Variants in ABHD6 observed in about 807,000 individuals in gnomAD.
The protein encoded by ABHD6 is abhydrolase domain containing 6, acylglycerol lipase.
A neutral mutation model predicts 38.8 loss-of-function variants in ABHD6; 33 were observed. The ratio of observed to expected loss-of-function variants is 0.85; its 90% CI spans 0.64 to 1.14. ABHD6 has a LOEUF of 1.14. ABHD6 is among the 50% of genes most tolerant of loss of function. ABHD6 has a pLI of 0.00. For missense variants in ABHD6, 380 were observed against 422.6 expected, an observed-to-expected ratio of 0.90 and a Z score of 0.88; for synonymous variants, 147 against 161.6, an observed-to-expected ratio of 0.91 and a Z score of 0.69.
chr3:58,274,804 G>T lies in ABHD6; in HGVS notation c.670G>T (p.Val224Leu). 6.2e-7 allele frequency: 1 copy of T among 1,613,692 alleles called. No homozygotes were observed. The highest frequency in any genetic ancestry group is 8.5e-7 in the Non-Finnish European group (1 of 1,179,814). The part of the protein sequence containing the change: ...LQLCSYVRFK[V>L]PQQILQGLVD... ...GCTCTGCTCCTATGTCCGCTTCAAG[G>T]TGCCCCAGCAGGTAACGTGGTTGCA... Residue 224 changes from valine to leucine, a missense_variant, in exon 7 of 10, where the codon GTG (valine) becomes TTG (leucine). Coordinates refer to ENST00000478253, the MANE Select transcript of ABHD6 (RefSeq NM_001320126.2).
chr3:58,274,692 A>G lies in ABHD6; in HGVS notation c.558A>G (p.Gln186=), dbSNP rs1210157534. The G allele has an allele frequency of 6.8e-6, 11 of 1,614,124 alleles. No homozygotes were observed. The highest frequency in any genetic ancestry group is 1.1e-5 in the South Asian group (1 of 91,084). ...ACTCAACTGACAATCAATTTGTACA[A>G]CGGCTCAAAGAACTGCAGGGCTCTG... ...LQYSTDNQFV[Q]RLKELQGSAA... The change falls in exon 7 of 10, where the codon CAA becomes CAG. Residue 186 remains glutamine (Q), a synonymous_variant. Coordinates refer to ENST00000478253, the MANE Select transcript of ABHD6 (RefSeq NM_001320126.2).
Position 58,268,046 on chromosome 3 carries a change from GC to G in ABHD6, c.276+703del, listed in dbSNP as rs1200435973. 4.6e-5 allele frequency among the ~76,000 whole-genome samples: 7 copies of G among 152,326 alleles called. No homozygotes were observed. The East Asian group carries it at 1.3e-3, about 29-fold the overall frequency. On this transcript the variant is annotated intron_variant, in intron 4 of 9. Transcript: ENST00000478253. ...CAAGATCGTGCTATACCACACTCCA[GC>G]CTGAGCAACAGGAGTGAGACCCTGT...
At chr3:58,290,088 A>G (rs538323144) in intron 9 of ABHD6, among the ~76,000 whole-genome samples, 131 of 56,978 alleles carry the variant, frequency 2.3e-3, no homozygotes, top group Admixed American at 4.4e-3. Context: ...CCGGGCAGAG[A>G]GGCTCCTCAC....
At chr3:58,250,665 C>T (rs913076058) in intron 2 of ABHD6, among the ~76,000 whole-genome samples, 12 of 152,034 alleles carry the variant, frequency 7.9e-5, no homozygotes. Flanking sequence ...TTTCTTTTTA[C>T]CTTACATTCC....
In ABHD6 at chr3:58,269,453, C is replaced by T; in HGVS notation, c.390+19C>T. 1 of 1,581,886 alleles carries T rather than the reference C, an allele frequency of 6.3e-7. No individual in the cohort carries two copies. Among genetic ancestry groups the T allele is most frequent in the Non-Finnish European group, 8.7e-7 (1 of 1,152,282 alleles). ...ACACCAGGTAAGCAGGAGGCTCTAC[C>T]AAAGATTGCCCAGACTGTCTCAGCC... On this transcript the variant is annotated intron_variant, in intron 5 of 9. Coordinates refer to ENST00000478253, the MANE Select transcript of ABHD6 (RefSeq NM_001320126.2). The surrounding 1 kb of genome is among the most constrained non-coding windows in gnomAD (Gnocchi z 4.4).
rs193034768 is a variant in ABHD6 at position 58,265,482 on chromosome 3, A to G, written c.120-1707A>G. ...TTTGGAAGGACAAAATCATCTTTAC[A>G]TAATACTAATAACTATCATGTACTG... On this transcript the variant is annotated intron_variant, in intron 3 of 9. Coordinates refer to ENST00000478253, the MANE Select transcript of ABHD6 (RefSeq NM_001320126.2). The surrounding 1 kb of genome is among the most constrained non-coding windows in gnomAD (Gnocchi z 4.2). 2.7e-4 allele frequency among the ~76,000 whole-genome samples: 41 copies of G among 152,350 alleles called. No homozygotes were observed. Among genetic ancestry groups the G allele is most frequent in the Non-Finnish European group, 5.0e-4 (34 of 68,034 alleles).
Position 58,291,272 on chromosome 3 carries a change from G to C in ABHD6, c.838-2317G>C, listed in dbSNP as rs536235968. On this transcript the variant is annotated intron_variant, in intron 9 of 9. Coordinates refer to ENST00000478253, the MANE Select transcript of ABHD6 (RefSeq NM_001320126.2). The stretch of plus-strand genomic sequence containing the variant: ...GTGCACCTGCAATCGCAGGCACTCG[G>C]CAGGCTGAGGCAGGAGAATCAGGCA... 2.8e-4 allele frequency among the ~76,000 whole-genome samples: 43 copies of C among 151,752 alleles called. No homozygotes were observed. In the South Asian group the frequency reaches 8.9e-3, roughly 31 times the overall value.
At position 58,293,866 on chromosome 3, in the gene ABHD6, A is replaced by C; in HGVS notation, c.*101A>C. 2.9e-6 allele frequency: 4 copies of C among 1,378,478 alleles called. No individual in the cohort carries two copies. The highest frequency in any genetic ancestry group is 3.9e-6 in the Non-Finnish European group (4 of 1,016,076). The allele number at this position is 1,378,478 out of a possible 1,614,324, so 85.4% of individuals were successfully genotyped here. ...GGGATCCTGCCCCAAATGCGGTCGGAGCGCCAGTGACCCTGAGGAAGCCCG... is the reference window on the plus strand; with the variant it reads ...GGGATCCTGCCCCAAATGCGGTCGGCGCGCCAGTGACCCTGAGGAAGCCCG... On this transcript the variant is annotated 3_prime_UTR_variant, in exon 10 of 10. Coordinates refer to ENST00000478253, the MANE Select transcript of ABHD6 (RefSeq NM_001320126.2). This position sits in a 1 kb window ranked among gnomAD's most constrained non-coding sequence, Gnocchi z 4.4.
At position 58,273,685 on chromosome 3, in the gene ABHD6, G is replaced by A. The variant is rs914491701; in HGVS notation, c.524-973G>A. The stretch of plus-strand genomic sequence containing the variant: ...TGCGAGTTGAACAGTGAGAAGACAT[G>A]GACACAGAAAGGGGAACATCACACA... On this transcript the variant is annotated intron_variant, in intron 6 of 9. Coordinates refer to ENST00000478253, the MANE Select transcript of ABHD6 (RefSeq NM_001320126.2). The surrounding 1 kb of genome is among the most constrained non-coding windows in gnomAD (Gnocchi z 4.8). Among the ~76,000 whole-genome samples, 2 of 152,088 alleles carry A rather than the reference G, an allele frequency of 1.3e-5. No homozygotes were observed. Among genetic ancestry groups the A allele is most frequent in the Non-Finnish European group, 2.9e-5 (2 of 68,018 alleles).
chr3:58,246,029 T>C (rs917528372), intron 1 of ABHD6, among the ~76,000 whole-genome samples: 1 of 152,226 alleles, frequency 6.6e-6, no homozygotes, highest in African/African-American at 2.4e-5. Context: ...TACATGATGC[T>C]CTTTCTAGCA....
chr3:58,290,783 C>T lies in ABHD6; in HGVS notation c.838-2806C>T, dbSNP rs60550934. Among the ~76,000 whole-genome samples the T allele has an allele frequency of 3.4e-3, 518 of 151,042 alleles. 3 individuals carry two copies. Among genetic ancestry groups the T allele is most frequent in the Non-Finnish European group, 4.5e-3 (302 of 67,790 alleles). ...CGCTCTCCACATCTCAGACAATGGG[C>T]GGCCGGGCAGAGACGCTCCTCACTT... On this transcript the variant is annotated intron_variant, in intron 9 of 9. Transcript: ENST00000478253.
Position 58,257,140 on chromosome 3 carries a change from T to C in ABHD6, c.119+435T>C, listed in dbSNP as rs2097433943. On this transcript the variant is annotated intron_variant, in intron 3 of 9. Transcript: ENST00000478253. The surrounding 1 kb of genome is among the most constrained non-coding windows in gnomAD (Gnocchi z 4.8). ...CCAGGCTGGTCTCCAACTCCTGGCC[T>C]CAAGTGATCTTCCCATCTTGCCTCT... Among the ~76,000 whole-genome samples the C allele has an allele frequency of 6.6e-6, 1 of 152,148 alleles. No individual in the cohort carries two copies. Among genetic ancestry groups the C allele is most frequent in the Non-Finnish European group, 1.5e-5 (1 of 68,022 alleles).
rs565075179 is a variant in ABHD6, at chr3:58,256,469, C to G, written c.-25-93C>G. ...TTTCCTCCTGTTCTTTACCCTCACT[C>G]TGGGAACTTCACTTTTCTTGTCCCC... On this transcript the variant is annotated intron_variant, in intron 2 of 9. Transcript: ENST00000478253. The surrounding 1 kb of genome is among the most constrained non-coding windows in gnomAD (Gnocchi z 4.3). The G allele has an allele frequency of 5.4e-6, 4 of 739,056 alleles. No individual in the cohort carries two copies. In the East Asian group the frequency reaches 1.1e-4, roughly 20 times the overall value. 45.8% of individuals were successfully genotyped at this position (739,056 alleles called of 1,614,324 possible).
chr3:58,257,071 A>AT lies in ABHD6; in HGVS notation c.119+374dup, dbSNP rs2097433886. Among the ~76,000 whole-genome samples, 1 of 151,626 alleles carries AT rather than the reference A, an allele frequency of 6.6e-6. No individual in the cohort carries two copies. The highest frequency in any genetic ancestry group is 2.4e-5 in the African/African-American group (1 of 41,272). On this transcript the variant is annotated intron_variant, in intron 3 of 9. Transcript: ENST00000478253. This position sits in a 1 kb window ranked among gnomAD's most constrained non-coding sequence, Gnocchi z 4.8. ...AGGTGTATGCCACCACGCCCGGCTAATTTTTTTTGTATTTTTAGTACAGAT... is the reference window on the plus strand; with the variant it reads ...AGGTGTATGCCACCACGCCCGGCTAATTTTTTTTTGTATTTTTAGTACAGAT...
At chr3:58,248,392 T>A (rs1010826009) in intron 1 of ABHD6, among the ~76,000 whole-genome samples, 6 of 152,170 alleles carry the variant, frequency 3.9e-5, no homozygotes, top group Non-Finnish European at 5.9e-5. Flanking sequence ...TAAACATAGA[T>A]AAATTCCTAG....
intron 1 of ABHD6, among the ~76,000 whole-genome samples, chr3:58,245,936 AG>A (rs560742377): frequency 5.3e-4 from 80 of 152,180 alleles, no homozygotes; most frequent in Non-Finnish European, 1.0e-3. Context: ...TTGGGTGCTG[AG>A]GTTCTATTTT....
At chr3:58,260,500 A>G (rs1385852393) in intron 3 of ABHD6, among the ~76,000 whole-genome samples, 1 of 152,232 alleles carries the variant, frequency 6.6e-6, no homozygotes, top group African/African-American at 2.4e-5. Context: ...CTTCCTCCGC[A>G]TCACTGAAAT....
intron 1 of ABHD6, among the ~76,000 whole-genome samples, chr3:58,241,736 G>A (rs1267176060): frequency 1.3e-5 from 2 of 152,228 alleles, no homozygotes; most frequent in South Asian, 2.1e-4. Flanking sequence ...CTGAGCAGTG[G>A]CCATGCAGGG....
rs1356366562 is a variant in ABHD6 at position 58,265,025 on chromosome 3, A to G, written c.120-2164A>G. ...TCTATTTTTTTTGTACCCATTAACC[A>G]TCCCCACTTCTCCCCTACCCCCAGC... On this transcript the variant is annotated intron_variant, in intron 3 of 9. Coordinates refer to ENST00000478253, the MANE Select transcript of ABHD6 (RefSeq NM_001320126.2). The surrounding 1 kb of genome is among the most constrained non-coding windows in gnomAD (Gnocchi z 4.2). Among the ~76,000 whole-genome samples, 1 of 152,006 alleles carries G rather than the reference A, an allele frequency of 6.6e-6. No individual in the cohort carries two copies. The highest frequency in any genetic ancestry group is 2.4e-5 in the African/African-American group (1 of 41,382).
Sources: allele counts gnomAD v4.1 joint callset (sites outside exome capture counted in the v4.1 genomes callset), GRCh38; gene constraint gnomAD v4.1.1; non-coding constraint Gnocchi (gnomAD v3.1); transcripts MANE v1.5; gene names NCBI Gene and HGNC (gene_info 2026-07-23, HGNC 2026-07-21).